ZNF235: variants seen among roughly 807,000 people sequenced by gnomAD.
ZNF235 encodes the protein zfp-93.
In ZNF235, 25 loss-of-function variants were observed where a neutral mutation model predicts 29.4. The ratio of observed to expected loss-of-function variants is 0.85; its 90% CI spans 0.62 to 1.19. The LOEUF (loss-of-function observed/expected upper bound fraction) is 1.19. Among genes scored for constraint, ZNF235 ranks in the 50% most tolerant of loss-of-function variants. ZNF235 has a pLI of 0.00. For missense variants in ZNF235, 788 were observed against 885.0 expected (o/e 0.89, Z 1.39); for synonymous variants, 300 against 295.3 (o/e 1.02, Z -0.16).
intron 4 of ZNF235, among the ~76,000 whole-genome samples, chr19:44,297,760 G>A (rs1177936784): frequency 1.3e-5 from 2 of 152,078 alleles, no homozygotes; most frequent in African/African-American, 2.4e-5. Context: ...ACCGCGCCCA[G>A]CTGGAAGATG....
At chr19:44,300,606 G>C (rs931145388) in intron 2 of ZNF235, among the ~76,000 whole-genome samples, 2 of 152,028 alleles carry the variant, frequency 1.3e-5, no homozygotes, top group East Asian at 1.9e-4. Context: ...TTGAGAGGTC[G>C]AGACGGGCAG....
In ZNF235 at chr19:44,288,732, C is replaced by T; in HGVS notation, c.703G>A (p.Val235Ile). Reference sequence around the variant, plus strand: ...TTACCACAATCACTATTGCTATGAACTTTATCTCTTTTGTGCACTATATTA... The same window carrying T: ...TTACCACAATCACTATTGCTATGAATTTTATCTCTTTTGTGCACTATATTA... ...DDNIVHKRDK[V>I]HSNSDCGKDT... is the part of the protein sequence containing the mutation. Residue 235 changes from valine (V) to isoleucine (I), a missense_variant, in exon 5 of 5, where the codon GTT (valine) becomes ATT (isoleucine). By Grantham distance (29) the Val-to-Ile change is conservative (BLOSUM62 3). Coordinates refer to ENST00000291182, the MANE Select transcript of ZNF235 (RefSeq NM_004234.4). The T allele has an allele frequency of 1.9e-6, 3 of 1,614,056 alleles. No individual in the cohort carries two copies. Among genetic ancestry groups the T allele is most frequent in the Non-Finnish European group, 2.5e-6 (3 of 1,180,006 alleles).
intron 4 of ZNF235, chr19:44,289,535 C>T (rs567089749): frequency 4.1e-4 from 75 of 182,476 alleles, no homozygotes; most frequent in Middle Eastern, 2.3e-3. Flanking sequence ...AAATTTTACA[C>T]ATAGTTCCTT....
chr19:44,286,537 A>G lies in ZNF235; in HGVS notation c.*681T>C, dbSNP rs1388429570. 6.6e-6 allele frequency: 1 copy of G among 152,240 alleles called. No individual in the cohort carries two copies. The highest frequency in any genetic ancestry group is 1.5e-5 in the Non-Finnish European group (1 of 68,082). The allele number at this position is 152,240 out of a possible 1,614,324, so 9.4% of individuals were successfully genotyped here. On this transcript the variant is annotated 3_prime_UTR_variant, in exon 5 of 5. Coordinates refer to ENST00000291182, the MANE Select transcript of ZNF235 (RefSeq NM_004234.4). ...TCATACTGTACACAACTGATGATACACTGTACAAAGAACTAAGGCTGAAGG... is the reference window on the plus strand; with the variant it reads ...TCATACTGTACACAACTGATGATACGCTGTACAAAGAACTAAGGCTGAAGG...
intron 2 of ZNF235, 28 bp from the exon 3 acceptor site, chr19:44,299,760 A>G (rs201633283): frequency 6.2e-7 from 1 of 1,613,334 alleles, no homozygotes; most frequent in Admixed American, 1.7e-5. Context: ...TGTAACCTCA[A>G]TCTCACACCC....
At chr19:44,292,398 C>T (rs1189536431) in intron 4 of ZNF235, among the ~76,000 whole-genome samples, 2 of 150,272 alleles carry the variant, frequency 1.3e-5, no homozygotes, top group East Asian at 2.0e-4. Flanking sequence ...TTTAAAAAGC[C>T]AAACAAATAA....
intron 3 of ZNF235, 73 bp from the exon 4 acceptor site, chr19:44,298,976 G>T: frequency 1.9e-6 from 2 of 1,075,462 alleles, no homozygotes; most frequent in Non-Finnish European, 2.8e-6. Context: ...CCAATCACAT[G>T]ATGTAAGTCT....
At position 44,288,727 on chromosome 19, in the gene ZNF235, A is replaced by G. The variant is rs1212893310; in HGVS notation, c.708T>C (p.His236=). The change falls in exon 5 of 5, where the codon CAT becomes CAC. Residue 236 remains histidine, a synonymous_variant. Coordinates refer to ENST00000291182, the MANE Select transcript of ZNF235 (RefSeq NM_004234.4). ...DNIVHKRDKV[H]SNSDCGKDTL... ...TATCTTTACCACAATCACTATTGCTATGAACTTTATCTCTTTTGTGCACTA... is the reference window on the plus strand; with the variant it reads ...TATCTTTACCACAATCACTATTGCTGTGAACTTTATCTCTTTTGTGCACTA... 3.1e-6 allele frequency: 5 copies of G among 1,614,094 alleles called. No homozygotes were observed. The highest frequency in any genetic ancestry group is 4.2e-6 in the Non-Finnish European group (5 of 1,179,988).
rs769939680 is a variant in ZNF235 at position 44,299,594 on chromosome 19, GCCTGT to G, written c.142+7_142+11del. ...GAAACCCTGCTGAATTACAGAGGGTGCCTGTCCTTACCCACTGAAACCAGGTTCCT... is the reference window on the plus strand; with the variant it reads ...GAAACCCTGCTGAATTACAGAGGGTGCCTTACCCACTGAAACCAGGTTCCT... On this transcript the variant is annotated splice_region_variant and intron_variant, in intron 3 of 4. Coordinates refer to ENST00000291182, the MANE Select transcript of ZNF235 (RefSeq NM_004234.4). 8.9e-4 allele frequency: 1,437 copies of G among 1,613,592 alleles called. 19 individuals carry two copies. The highest frequency in any genetic ancestry group is 9.9e-4 in the Middle Eastern group (6 of 6,058).
At chr19:44,293,929 T>G (rs943907386) in intron 4 of ZNF235, among the ~76,000 whole-genome samples, 7 of 147,758 alleles carry the variant, frequency 4.7e-5, no homozygotes, top group African/African-American at 1.8e-4. Flanking sequence ...GAGGGAAGTT[T>G]ATAGTGTTAA....
intron 1 of ZNF235, 184 bp downstream of exon 1, chr19:44,304,787 G>T: frequency 2.0e-6 from 2 of 985,444 alleles, no homozygotes; most frequent in East Asian, 1.1e-4. Flanking sequence ...CTCGAAGGAC[G>T]ACGCGAGCCC....
Position 44,299,604 on chromosome 19 carries a change from A to ACCC in ZNF235, c.141_142+1dup. On this transcript the variant is annotated splice_donor_variant, in intron 3 of 4. Coordinates refer to ENST00000291182, the MANE Select transcript of ZNF235 (RefSeq NM_004234.4). LOFTEE classifies it high-confidence loss of function. The stretch of plus-strand genomic sequence containing the variant: ...TGAATTACAGAGGGTGCCTGTCCTT[A>ACCC]CCCACTGAAACCAGGTTCCTAAAGT... 6.2e-7 allele frequency: 1 copy of ACCC among 1,613,930 alleles called. No individual in the cohort carries two copies. The highest frequency in any genetic ancestry group is 8.5e-7 in the Non-Finnish European group (1 of 1,179,910).
Position 44,287,480 on chromosome 19 carries a change from T to C in ZNF235, c.1955A>G (p.Glu652Gly), listed in dbSNP as rs753342254. ...LQVHQIIHTG[E>G]KPFKCEECGK... ...ACATTCCTCACATTTAAATGGTTTC[T>C]CTCCAGTGTGAATTATCTGATGGAC... is the stretch of plus-strand genomic sequence containing the variant. Residue 652 changes from glutamate (E) to glycine (G), a missense_variant, in exon 5 of 5, where the codon GAG becomes GGG. Glu to Gly is a moderately conservative substitution (Grantham distance 98, BLOSUM62 -2). Coordinates refer to ENST00000291182, the MANE Select transcript of ZNF235 (RefSeq NM_004234.4). The C allele has an allele frequency of 1.1e-5, 17 of 1,613,990 alleles. No homozygotes were observed. The highest frequency in any genetic ancestry group is 1.4e-5 in the Non-Finnish European group (17 of 1,180,008).
Position 44,287,991 on chromosome 19 carries a change from T to C in ZNF235, c.1444A>G (p.Thr482Ala), listed in dbSNP as rs1323706234. The change falls in exon 5 of 5, where the codon ACA (threonine) becomes GCA (alanine). Residue 482 changes from threonine to alanine, a missense_variant. Transcript: ENST00000291182. ...FNLHSHQRVH[T>A]GEKPYKCEEC... The stretch of plus-strand genomic sequence containing the variant: ...TCACATTTATATGGTTTTTCTCCTG[T>C]GTGGACTCGTTGATGACTATGAAGA... 1 of 1,614,186 alleles carries C rather than the reference T, an allele frequency of 6.2e-7. No individual in the cohort carries two copies. The highest frequency in any genetic ancestry group is 8.5e-7 in the Non-Finnish European group (1 of 1,180,022).
At chr19:44,303,891 T>C (rs1225574713) in intron 1 of ZNF235, among the ~76,000 whole-genome samples, 1 of 152,226 alleles carries the variant, frequency 6.6e-6, no homozygotes, top group Admixed American at 6.5e-5. Context: ...GTATTCTCTA[T>C]TTCCTGCAGC....
Position 44,288,478 on chromosome 19 carries a change from A to G in ZNF235, c.957T>C (p.Tyr319=). 10 of 1,614,182 alleles carry G rather than the reference A, an allele frequency of 6.2e-6. No individual in the cohort carries two copies. The highest frequency in any genetic ancestry group is 1.1e-5 in the South Asian group (1 of 91,086). The part of the protein sequence containing the change: ...QQSVRTGKKR[Y]WCHECGKGFS... ...AACCTTTACCACATTCATGACACCA[A>G]TAGCGTTTTTTCCCAGTACGAACAC... Residue 319 remains tyrosine, a synonymous_variant, in exon 5 of 5, where the codon TAT becomes TAC. Coordinates refer to ENST00000291182, the MANE Select transcript of ZNF235 (RefSeq NM_004234.4).
chr19:44,300,808 C>A (rs1418496391), intron 2 of ZNF235, among the ~76,000 whole-genome samples: 2 of 148,644 alleles, frequency 1.3e-5, no homozygotes, highest in Non-Finnish European at 3.0e-5. Flanking sequence ...TCACTGCACT[C>A]CAGCCTGAAT....
chr19:44,288,170 T>C lies in ZNF235; in HGVS notation c.1265A>G (p.Glu422Gly). The C allele has an allele frequency of 6.2e-7, 1 of 1,614,092 alleles. No individual in the cohort carries two copies. The highest frequency in any genetic ancestry group is 8.5e-7 in the Non-Finnish European group (1 of 1,180,012). Residue 422 changes from glutamate (E) to glycine (G), a missense_variant, in exon 5 of 5, where the codon GAA becomes GGA. Coordinates refer to ENST00000291182, the MANE Select transcript of ZNF235 (RefSeq NM_004234.4). ...FTQRSHLQAH[E>G]RIHTGEKPYK... ...TGGTTTCTCTCCAGTGTGAATTCTT[T>C]CATGGGCCTGAAGATGTGATCTCTG...
chr19:44,303,045 C>T (rs1482108391), intron 2 of ZNF235, among the ~76,000 whole-genome samples: 11 of 132,000 alleles, frequency 8.3e-5, no homozygotes, highest in Non-Finnish European at 1.2e-4. Flanking sequence ...ATATTGTATA[C>T]ATTTATATAA....
Sources: gnomAD v4.1 joint callset for allele counts (sites outside exome capture counted in the v4.1 genomes callset) on GRCh38, gnomAD v4.1.1 for gene constraint, MANE v1.5 for transcripts, NCBI Gene and HGNC (gene_info 2026-07-23, HGNC 2026-07-21) for gene names.